INPP4B: variants seen among roughly 807,000 people sequenced by gnomAD.
INPP4B encodes inositol polyphosphate-4-phosphatase type II B.
INPP4B carries 55 observed loss-of-function variants against 122.5 expected under a neutral mutation model. That is an observed-to-expected ratio of 0.45 (90% CI 0.36 to 0.56). INPP4B has a LOEUF of 0.56. INPP4B is among the 20% of genes least tolerant of loss of function. The pLI, the probability that INPP4B is intolerant of heterozygous loss-of-function variation, is 0.00. For synonymous variants in INPP4B, 403 were observed against 388.7 expected (o/e 1.04, Z -0.43); for missense variants, 1,000 against 1,097.7 (o/e 0.91, Z 1.26).
intron 22 of INPP4B, among the ~76,000 whole-genome samples, chr4:142,111,878 G>A (rs1790321750): frequency 2.0e-5 from 3 of 151,636 alleles, no homozygotes; most frequent in Admixed American, 2.0e-4. Context: ...TGAGTAGCTG[G>A]GATTACAGGT....
intron 11 of INPP4B, among the ~76,000 whole-genome samples, chr4:142,240,996 C>G (rs1859077694): frequency 6.6e-6 from 1 of 151,980 alleles, no homozygotes; most frequent in Non-Finnish European, 1.5e-5. Flanking sequence ...GTTTTGTCAA[C>G]TTTAAAAAAA....
chr4:142,727,574 A>G (rs1233649589), intron 1 of INPP4B, among the ~76,000 whole-genome samples: 4 of 152,190 alleles, frequency 2.6e-5, no homozygotes, highest in Admixed American at 2.0e-4. Context: ...AAGGATTTAA[A>G]ACATAATCTT....
intron 2 of INPP4B, among the ~76,000 whole-genome samples, chr4:142,643,776 A>T (rs986078567): frequency 6.6e-6 from 1 of 152,212 alleles, no homozygotes; most frequent in South Asian, 2.1e-4. Flanking sequence ...CAATTTTAAA[A>T]GCTTAAAGAA....
intron 1 of INPP4B, among the ~76,000 whole-genome samples, chr4:142,739,314 A>G (rs1026081140): frequency 6.6e-6 from 1 of 151,978 alleles, no homozygotes; most frequent in Non-Finnish European, 1.5e-5. Flanking sequence ...ATGATATTCC[A>G]TTATATGAGC....
chr4:142,405,069 G>A, intron 6 of INPP4B, 137 bp downstream of exon 6: 1 of 597,722 alleles, frequency 1.7e-6, no homozygotes, highest in Non-Finnish European at 3.0e-6. Context: ...TACAGACTAT[G>A]AACTAACTTA....
chr4:142,567,286 G>A (rs1731819884), intron 2 of INPP4B, among the ~76,000 whole-genome samples: 1 of 152,144 alleles, frequency 6.6e-6, no homozygotes, highest in Non-Finnish European at 1.5e-5. Flanking sequence ...GGTCAGGTCA[G>A]AGGGTGGGCA....
intron 1 of INPP4B, among the ~76,000 whole-genome samples, chr4:142,782,012 A>G (rs1774910836): frequency 6.6e-6 from 1 of 151,754 alleles, no homozygotes; most frequent in Admixed American, 6.6e-5. Flanking sequence ...TTTAAGTTTT[A>G]GGGTACATGT....
chr4:142,557,642 CA>C (rs1729496980), intron 2 of INPP4B, among the ~76,000 whole-genome samples: 1 of 152,138 alleles, frequency 6.6e-6, no homozygotes, highest in Admixed American at 6.5e-5. Flanking sequence ...CCTTGGTAAA[CA>C]TTAACCCCAA....
intron 2 of INPP4B, among the ~76,000 whole-genome samples, chr4:142,578,053 G>A (rs1173675730): frequency 6.6e-6 from 1 of 151,932 alleles, no homozygotes; most frequent in Non-Finnish European, 1.5e-5. Context: ...TCTAGGAGAG[G>A]GAAAAACCAC....
At chr4:142,347,411 C>T (rs1780628623) in intron 7 of INPP4B, 9 of 363,674 alleles carry the variant, frequency 2.5e-5, no homozygotes, top group South Asian at 1.1e-4. Flanking sequence ...GGGAAAAGTG[C>T]AGCCCTTATC....
intron 2 of INPP4B, among the ~76,000 whole-genome samples, chr4:142,573,575 A>C (rs2150169301): frequency 6.6e-6 from 1 of 152,226 alleles, no homozygotes; most frequent in East Asian, 1.9e-4. Flanking sequence ...GCTAAAAAAG[A>C]GTATCTGTCA....
intron 2 of INPP4B, among the ~76,000 whole-genome samples, chr4:142,558,459 G>C: frequency 6.6e-6 from 1 of 151,954 alleles, no homozygotes; most frequent in Admixed American, 6.6e-5. Flanking sequence ...CCAAAAGTTA[G>C]GGAGGAAATA....
At chr4:142,209,231 T>G (rs530772083) in intron 12 of INPP4B, among the ~76,000 whole-genome samples, 9 of 152,266 alleles carry the variant, frequency 5.9e-5, no homozygotes, top group African/African-American at 2.2e-4. Flanking sequence ...ATAAAAACAT[T>G]ATGTCAAAGG....
intron 2 of INPP4B, among the ~76,000 whole-genome samples, chr4:142,603,653 A>T (rs1740575047): frequency 6.6e-6 from 1 of 152,106 alleles, no homozygotes; most frequent in East Asian, 1.9e-4. Context: ...ACTTACCAAA[A>T]TAAAATCAGA....
At chr4:142,719,897 G>A (rs1764285904) in intron 2 of INPP4B, among the ~76,000 whole-genome samples, 1 of 152,146 alleles carries the variant, frequency 6.6e-6, no homozygotes, top group Non-Finnish European at 1.5e-5. Flanking sequence ...GCACAGATGT[G>A]GATGCCGAAA....
At chr4:142,099,810 T>C (rs1470161427) in intron 23 of INPP4B, among the ~76,000 whole-genome samples, 4 of 152,138 alleles carry the variant, frequency 2.6e-5, no homozygotes, top group Non-Finnish European at 5.9e-5. Flanking sequence ...GTTAAAACAA[T>C]AGATAAATAA....
chr4:142,487,055 G>A (rs985455854), intron 2 of INPP4B, among the ~76,000 whole-genome samples: 2 of 152,098 alleles, frequency 1.3e-5, no homozygotes, highest in Non-Finnish European at 2.9e-5. Flanking sequence ...ATTGAATCAC[G>A]GGGGTGGGTC....
chr4:142,790,128 C>T (rs925088793), intron 1 of INPP4B, among the ~76,000 whole-genome samples: 7 of 152,108 alleles, frequency 4.6e-5, no homozygotes, highest in African/African-American at 1.7e-4. Flanking sequence ...TATAAAAATT[C>T]TAGAAGATAA....
chr4:142,212,311 C>T (rs954455633), intron 12 of INPP4B, among the ~76,000 whole-genome samples: 1 of 152,144 alleles, frequency 6.6e-6, no homozygotes, highest in Non-Finnish European at 1.5e-5. Flanking sequence ...GTCCCTGAGG[C>T]CTTAATTGAT....
Sources: allele counts gnomAD v4.1 joint callset (sites outside exome capture counted in the v4.1 genomes callset), GRCh38; gene constraint gnomAD v4.1.1; transcripts MANE v1.5; gene names NCBI Gene and HGNC (gene_info 2026-07-23, HGNC 2026-07-21).